The following CAST variants were observed in gnomAD, a reference collection of about 807,000 sequenced individuals.
CAST encodes MIR583 host.
CAST carries 76 observed loss-of-function variants against 119.6 expected under a neutral mutation model. The observed-to-expected ratio is 0.64, with a 90% CI of 0.53 to 0.77. The LOEUF (loss-of-function observed/expected upper bound fraction) is 0.77, where lower values mean the gene tolerates loss of function less well. CAST is among the 30% of genes least tolerant of loss of function. The pLI is 0.00. For synonymous variants in CAST, 319 were observed against 331.6 expected (o/e 0.96, Z 0.41); for missense variants, 953 against 946.5 (o/e 1.01, Z -0.09).
chr5:96,352,223 C>A, the CAST span, among the ~76,000 whole-genome samples: 1 of 152,106 alleles, frequency 6.6e-6, no homozygotes, highest in Non-Finnish European at 1.5e-5. Context: ...TTTTTGTGTT[C>A]TTCAAAGTGA....
intron 1 of CAST, among the ~76,000 whole-genome samples, chr5:96,666,163 A>G (rs553574820): frequency 1.3e-5 from 2 of 152,168 alleles, no homozygotes; most frequent in African/African-American, 4.8e-5. Context: ...CATGCCACCT[A>G]TAAAGCTAGT....
the CAST span, among the ~76,000 whole-genome samples, chr5:96,144,587 T>C: frequency 1.3e-5 from 2 of 152,194 alleles, no homozygotes; most frequent in African/African-American, 4.8e-5. Context: ...TTATCACTTC[T>C]TTACTTCCAC....
At chr5:96,238,341 T>A in the CAST span, among the ~76,000 whole-genome samples, 227 of 123,736 alleles carry the variant, frequency 1.8e-3, no homozygotes, top group Middle Eastern at 7.8e-3. Context: ...CTTCTTCTTC[T>A]TCTTCATCTT....
chr5:96,503,811 T>C, the CAST span, among the ~76,000 whole-genome samples: 125,823 of 152,150 alleles, frequency 0.83, 54,128 homozygotes, highest in Non-Finnish European at 0.97. Flanking sequence ...CCTCCACCCT[T>C]TTAGTCCTTT....
chr5:96,300,500 T>A, the CAST span, among the ~76,000 whole-genome samples: 1 of 152,172 alleles, frequency 6.6e-6, no homozygotes, highest in African/African-American at 2.4e-5. Flanking sequence ...TAATTACTGT[T>A]GCTTTGTAGT....
the CAST span, among the ~76,000 whole-genome samples, chr5:95,993,342 T>C: frequency 6.6e-6 from 1 of 152,170 alleles, no homozygotes; most frequent in African/African-American, 2.4e-5. Context: ...AGAAAAAGAA[T>C]TATAGGAGGA....
chr5:96,099,206 G>A, the CAST span, among the ~76,000 whole-genome samples: 2 of 152,158 alleles, frequency 1.3e-5, no homozygotes, highest in African/African-American at 4.8e-5. Flanking sequence ...TTATTTATCA[G>A]TTTAAGAAGC....
At chr5:95,969,479 A>G in the CAST span, among the ~76,000 whole-genome samples, 1 of 152,166 alleles carries the variant, frequency 6.6e-6, no homozygotes, top group Non-Finnish European at 1.5e-5. Flanking sequence ...GCTCTGTATC[A>G]TTTGGGAATT....
At chr5:96,699,879 C>T (rs1413480712) in intron 3 of CAST, among the ~76,000 whole-genome samples, 1 of 152,148 alleles carries the variant, frequency 6.6e-6, no homozygotes, top group Non-Finnish European at 1.5e-5. Flanking sequence ...CTACAGATGA[C>T]AAGTTATTCA....
chr5:96,704,085 G>A (rs58513933), intron 3 of CAST, among the ~76,000 whole-genome samples: 4,047 of 152,290 alleles, frequency 0.027, 189 homozygotes, highest in African/African-American at 0.092. Flanking sequence ...GTAGACTGAT[G>A]GAGAAGGAAT....
At chr5:96,660,377 A>G (rs1010202242), upstream of CAST, among the ~76,000 whole-genome samples, 11 of 152,236 alleles carry the variant, frequency 7.2e-5, no homozygotes, top group African/African-American at 2.7e-4. Context: ...CAAATGCCAT[A>G]TAACTTCAGC....
chr5:96,756,059 T>C (rs567730545), intron 22 of CAST, among the ~76,000 whole-genome samples: 1 of 152,350 alleles, frequency 6.6e-6, no homozygotes, highest in East Asian at 1.9e-4. Context: ...TTCATCCTCC[T>C]CTGACTTACC....
intron 1 of CAST, among the ~76,000 whole-genome samples, chr5:96,644,863 C>G (rs1747995816): frequency 1.3e-5 from 2 of 152,132 alleles, no homozygotes; most frequent in Non-Finnish European, 2.9e-5. Flanking sequence ...GTAATTCCAG[C>G]TACTCAGGAG....
the CAST span, among the ~76,000 whole-genome samples, chr5:96,437,414 A>G: frequency 9.2e-5 from 14 of 152,304 alleles, no homozygotes; most frequent in African/African-American, 3.4e-4. Flanking sequence ...TAAAATATGC[A>G]TTTACTGAGT....
chr5:96,770,222 G>A (rs25863), intron 29 of CAST: 130,638 of 311,720 alleles, frequency 0.42, 28,714 homozygotes, highest in Middle Eastern at 0.51. Flanking sequence ...CACCCTTGCC[G>A]ACATTTATTA....
At chr5:96,758,873 C>T (rs540725619) in intron 24 of CAST, among the ~76,000 whole-genome samples, 186 of 152,180 alleles carry the variant, frequency 1.2e-3, no homozygotes, top group South Asian at 3.3e-3. Context: ...GTGAGGAGTA[C>T]GCCAGGAATG....
the CAST span, among the ~76,000 whole-genome samples, chr5:96,193,518 C>A: frequency 6.6e-6 from 1 of 152,052 alleles, no homozygotes; most frequent in South Asian, 2.1e-4. Flanking sequence ...TACATATGAC[C>A]CATTACAGAA....
At chr5:96,272,711 A>G in the CAST span, among the ~76,000 whole-genome samples, 44 of 152,176 alleles carry the variant, frequency 2.9e-4, no homozygotes, top group Non-Finnish European at 5.4e-4. Flanking sequence ...ATAGTTTATA[A>G]TATTCTATAT....
chr5:96,625,036 T>A (rs3853205), intron 1 of CAST, among the ~76,000 whole-genome samples: 1 of 152,176 alleles, frequency 6.6e-6, no homozygotes, highest in Non-Finnish European at 1.5e-5. Context: ...TGATGATGCC[T>A]TATTTGGGTG....
Sources: allele counts gnomAD v4.1 joint callset (sites outside exome capture counted in the v4.1 genomes callset), GRCh38; gene constraint gnomAD v4.1.1; transcripts MANE v1.5; gene names NCBI Gene and HGNC (gene_info 2026-07-23, HGNC 2026-07-21).